The following MYRFL variants were observed in gnomAD, a reference collection of about 807,000 sequenced individuals.
MYRFL encodes myelin regulatory factor like.
Under a neutral mutation model 109.4 loss-of-function variants are expected in MYRFL, and 88 were observed. The observed-to-expected ratio is 0.80, with a 90% confidence interval of 0.68 to 0.96. The LOEUF (loss-of-function observed/expected upper bound fraction) is 0.96, where lower values mean the gene tolerates loss of function less well. Among genes scored for constraint, MYRFL ranks in the 40% least tolerant of loss-of-function variants. The probability of loss-of-function intolerance (pLI) is 0.00; values close to 1 mark genes in which losing one functional copy is unlikely to be tolerated. For synonymous variants in MYRFL, 324 were observed against 320.9 expected, an observed-to-expected ratio of 1.01 and a Z score of -0.10; for missense variants, 957 against 954.9, an observed-to-expected ratio of 1.00 and a Z score of -0.03.
At chr12:69,864,586 T>G (rs1323153227) in intron 2 of MYRFL, among the ~76,000 whole-genome samples, 1 of 150,836 alleles carries the variant, frequency 6.6e-6, no homozygotes, top group East Asian at 2.0e-4. Flanking sequence ...AGAAACTTCC[T>G]TGGCAACAAA....
At chr12:69,930,800 A>G (rs1230161560) in intron 15 of MYRFL, among the ~76,000 whole-genome samples, 1 of 142,720 alleles carries the variant, frequency 7.0e-6, no homozygotes, top group African/African-American at 2.6e-5. Context: ...TGACAAAGCA[A>G]GACCCTATCT....
chr12:69,878,996 AC>A, intron 2 of MYRFL, 31 bp from the exon 3 acceptor site: 1 of 702,844 alleles, frequency 1.4e-6, no homozygotes, highest in East Asian at 2.7e-5. Context: ...CTAGAGTGAA[AC>A]AAAAACGCAA....
At chr12:69,921,213 A>T (rs1289631622) in intron 13 of MYRFL, among the ~76,000 whole-genome samples, 1 of 151,420 alleles carries the variant, frequency 6.6e-6, no homozygotes, top group Non-Finnish European at 1.5e-5. Flanking sequence ...TCTTTAAAAC[A>T]TTTTTTTTTG....
chr12:69,884,301 C>G (rs1886316067), intron 5 of MYRFL, among the ~76,000 whole-genome samples: 1 of 152,228 alleles, frequency 6.6e-6, no homozygotes, highest in Non-Finnish European at 1.5e-5. Context: ...AGTTCTAGCA[C>G]TAGGCTCAGG....
rs550199516 is a variant in MYRFL at position 69,882,690 on chromosome 12, TG to T, written c.556+2400del. 2.2e-3 allele frequency among the ~76,000 whole-genome samples: 337 copies of T among 152,328 alleles called. 1 individual carries two copies. The highest frequency in any genetic ancestry group is 7.3e-3 in the African/African-American group (305 of 41,576). ...AAAATTTTGCTTAGAGAGGAAGTGCTGGTAGGCAGGCTTCTACCAGCTGGTT... is the reference window on the plus strand; with the variant it reads ...AAAATTTTGCTTAGAGAGGAAGTGCTGTAGGCAGGCTTCTACCAGCTGGTT... On this transcript the variant is annotated intron_variant, in intron 5 of 24. Coordinates refer to ENST00000552032, the MANE Select transcript of MYRFL (RefSeq NM_182530.3).
At chr12:69,857,562 T>G (rs1351611422) in intron 2 of MYRFL, among the ~76,000 whole-genome samples, 1 of 151,846 alleles carries the variant, frequency 6.6e-6, no homozygotes, top group African/African-American at 2.4e-5. Flanking sequence ...TTGATTTCTT[T>G]CATCAGTGTT....
At chr12:69,850,660 A>G (rs928692066) in intron 1 of MYRFL, among the ~76,000 whole-genome samples, 3 of 151,970 alleles carry the variant, frequency 2.0e-5, no homozygotes, top group African/African-American at 7.2e-5. Flanking sequence ...CTGCCTTCCA[A>G]TTTTTGTTGA....
At chr12:69,958,369 C>T (rs1188604927) in intron 24 of MYRFL, 46 bp downstream of exon 24, 1 of 1,509,804 alleles carries the variant, frequency 6.6e-7, no homozygotes, top group African/African-American at 1.4e-5. Flanking sequence ...AGAAATTGAG[C>T]AATAAAAAAA....
chr12:69,876,304 G>C (rs568517520), intron 2 of MYRFL, among the ~76,000 whole-genome samples: 2 of 152,174 alleles, frequency 1.3e-5, no homozygotes, highest in African/African-American at 2.4e-5. Flanking sequence ...CCTTCTCCAA[G>C]TTTCAGTGCC....
intron 15 of MYRFL, among the ~76,000 whole-genome samples, chr12:69,928,134 C>T (rs1292643311): frequency 2.0e-5 from 3 of 152,158 alleles, no homozygotes; most frequent in Admixed American, 6.5e-5. Flanking sequence ...TCCTCAAATC[C>T]CTCTTTTCCC....
Position 69,958,835 on chromosome 12 carries a change from C to A in MYRFL, c.*304C>A. ...TTTCTGGTATTAAGGAAGTTGTGAG[C>A]TCAAAATAAGGAGATCTAGCCTCTA... On this transcript the variant is annotated 3_prime_UTR_variant, in exon 25 of 25. Transcript: ENST00000552032. 3.8e-6 allele frequency: 1 copy of A among 264,900 alleles called. No individual in the cohort carries two copies. The highest frequency in any genetic ancestry group is 2.3e-5 in the African/African-American group (1 of 44,082). 16.4% of individuals were successfully genotyped at this position (264,900 alleles called of 1,614,324 possible).
intron 6 of MYRFL, among the ~76,000 whole-genome samples, chr12:69,889,627 G>A (rs1360743234): frequency 6.6e-6 from 1 of 152,164 alleles, no homozygotes; most frequent in Non-Finnish European, 1.5e-5. Context: ...GGCCAAGGCC[G>A]CAGATCACCT....
intron 2 of MYRFL, among the ~76,000 whole-genome samples, chr12:69,861,440 C>G (rs547237854): frequency 0.012 from 1,819 of 152,288 alleles, 38 homozygotes; most frequent in African/African-American, 0.041. Context: ...GATTGCCATT[C>G]TAACTGGTGT....
intron 13 of MYRFL, among the ~76,000 whole-genome samples, chr12:69,923,813 A>G (rs1292046372): frequency 6.6e-6 from 1 of 152,134 alleles, no homozygotes; most frequent in African/African-American, 2.4e-5. Context: ...TCAATACCCA[A>G]TTAGGCTTAT....
intron 10 of MYRFL, among the ~76,000 whole-genome samples, chr12:69,902,621 A>G (rs1213013814): frequency 6.6e-6 from 1 of 152,234 alleles, no homozygotes; most frequent in Non-Finnish European, 1.5e-5. Context: ...CTGTTTATCT[A>G]AAGTTGTGAC....
At chr12:69,846,808 C>A (rs1007158126) in intron 1 of MYRFL, among the ~76,000 whole-genome samples, 74 of 151,608 alleles carry the variant, frequency 4.9e-4, no homozygotes, top group Admixed American at 1.3e-3. Context: ...GTTTACAGTC[C>A]CACCAACAGT....
chr12:69,948,969 C>T (rs1428133082), intron 19 of MYRFL, among the ~76,000 whole-genome samples: 2 of 152,166 alleles, frequency 1.3e-5, no homozygotes, highest in Non-Finnish European at 2.9e-5. Context: ...CTTTTCCTTA[C>T]TCTTTCCCTG....
intron 6 of MYRFL, among the ~76,000 whole-genome samples, chr12:69,888,046 C>A (rs1385698111): frequency 6.6e-6 from 1 of 152,130 alleles, no homozygotes; most frequent in Non-Finnish European, 1.5e-5. Flanking sequence ...TAACTGCTTC[C>A]CAGGCTCTAT....
chr12:69,895,355 TTGCTG>T lies in MYRFL; in HGVS notation c.981-14_981-10del, dbSNP rs1357931300. On this transcript the variant is annotated splice_polypyrimidine_tract_variant and intron_variant, in intron 8 of 24. Transcript: ENST00000552032. Reference sequence around the variant, plus strand: ...CTTATAGTCTCTTGGTTTTTTTTTTTTGCTGTTTGTTTTAGAATTGACCTACTGGC... The same window carrying T: ...CTTATAGTCTCTTGGTTTTTTTTTTTTTTGTTTTAGAATTGACCTACTGGC... 4 of 1,509,244 alleles carry T rather than the reference TTGCTG, an allele frequency of 2.7e-6. No individual in the cohort carries two copies. Among genetic ancestry groups the T allele is most frequent in the Non-Finnish European group, 3.5e-6 (4 of 1,129,514 alleles). The allele number at this position is 1,509,244 out of a possible 1,614,324, so 93.5% of individuals were successfully genotyped here.
Sources: allele counts gnomAD v4.1 joint callset (sites outside exome capture counted in the v4.1 genomes callset), GRCh38; gene constraint gnomAD v4.1.1; transcripts MANE v1.5; gene names NCBI Gene and HGNC (gene_info 2026-07-23, HGNC 2026-07-21).